PYROXD2: variants seen among roughly 807,000 people sequenced by gnomAD.
The protein encoded by PYROXD2 is pyridine nucleotide-disulphide oxidoreductase domain 2.
A neutral mutation model predicts 71.1 loss-of-function variants in PYROXD2; 69 were observed. The observed-to-expected ratio is 0.97, with a 90% CI of 0.80 to 1.19. PYROXD2 has a LOEUF of 1.19. Ranked by LOEUF, PYROXD2 falls within the 50% of genes most tolerant of loss-of-function variation. The probability of loss-of-function intolerance (pLI) is 0.00; values close to 1 mark genes in which losing one functional copy is unlikely to be tolerated. For missense variants in PYROXD2, 745 were observed against 748.9 expected (o/e 0.99, Z 0.06); for synonymous variants, 287 against 302.7 (o/e 0.95, Z 0.54).
intron 11 of PYROXD2, 79 bp downstream of exon 11, chr10:98,390,931 G>A (rs1029683017): frequency 4.4e-6 from 6 of 1,372,074 alleles, no homozygotes; most frequent in African/African-American, 1.4e-5. Context: ...TGATGACTGA[G>A]TTCAGCTGCC....
At chr10:98,392,911 A>G in intron 9 of PYROXD2, 31 bp downstream of exon 9, 1 of 1,607,288 alleles carries the variant, frequency 6.2e-7, no homozygotes, top group Non-Finnish European at 8.5e-7. Context: ...ATCCTTACTA[A>G]TAATTGGGGT....
intron 2 of PYROXD2, 53 bp downstream of exon 2, chr10:98,410,886 G>A (rs968354604): frequency 6.4e-7 from 1 of 1,555,212 alleles, no homozygotes; most frequent in Non-Finnish European, 8.7e-7. Flanking sequence ...CCAGGCTGCT[G>A]AGAGCCACAC....
intron 5 of PYROXD2, among the ~76,000 whole-genome samples, chr10:98,398,526 A>C (rs1843277382): frequency 6.6e-6 from 1 of 152,216 alleles, no homozygotes; most frequent in Non-Finnish European, 1.5e-5. Context: ...TTCCATGTTA[A>C]AATACATTCG....
Position 98,383,700 on chromosome 10 carries a change from T to C in PYROXD2, c.*98A>G, listed in dbSNP as rs1237289137. On this transcript the variant is annotated 3_prime_UTR_variant, in exon 16 of 16. Transcript: ENST00000370575. ...TTTCTTGAGCATTGTGGTGGCCTTA[T>C]GTACTAACCCGAAGCTGAACTTCCT... 4.1e-6 allele frequency: 4 copies of C among 978,344 alleles called. No homozygotes were observed. Among genetic ancestry groups the C allele is most frequent in the Non-Finnish European group, 6.6e-6 (4 of 603,278 alleles). 60.6% of individuals were successfully genotyped at this position (978,344 alleles called of 1,614,324 possible). A position where few individuals can be genotyped will look rare whatever the true frequency, so the allele number is the denominator to read the frequency against.
chr10:98,387,081 G>A lies in PYROXD2; in HGVS notation c.1554+120C>T, dbSNP rs554294696. On this transcript the variant is annotated intron_variant, in intron 14 of 15. Coordinates refer to ENST00000370575, the MANE Select transcript of PYROXD2 (RefSeq NM_032709.3). ...TCTCTCAGCCGGGGTCCCTGCCACTGTCCTCCCTTCCTGATGAAAGCTGAG... is the reference window on the plus strand; with the variant it reads ...TCTCTCAGCCGGGGTCCCTGCCACTATCCTCCCTTCCTGATGAAAGCTGAG... 257 of 713,840 alleles carry A rather than the reference G, an allele frequency of 3.6e-4. 1 individual carries two copies. The highest frequency in any genetic ancestry group is 3.5e-3 in the Middle Eastern group (10 of 2,850). 44.2% of individuals were successfully genotyped at this position (713,840 alleles called of 1,614,324 possible).
intron 9 of PYROXD2, 130 bp from the exon 10 acceptor site, chr10:98,392,696 G>T: frequency 7.0e-7 from 1 of 1,437,144 alleles, no homozygotes; most frequent in Non-Finnish European, 9.3e-7. Context: ...ATCCCACCAA[G>T]TTCTGCAGCT....
At chr10:98,384,261 C>A (rs571881023) in intron 15 of PYROXD2, among the ~76,000 whole-genome samples, 94 of 152,278 alleles carry the variant, frequency 6.2e-4, no homozygotes, top group African/African-American at 2.1e-3. Flanking sequence ...ATAGCCTCAG[C>A]CAGCTCCGTT....
At chr10:98,413,073 G>A (rs1314407568) in intron 1 of PYROXD2, among the ~76,000 whole-genome samples, 3 of 152,172 alleles carry the variant, frequency 2.0e-5, no homozygotes, top group Non-Finnish European at 4.4e-5. Context: ...TTTGACTGTT[G>A]CCCATGCCCT....
chr10:98,392,502 G>C lies in PYROXD2; in HGVS notation c.992C>G (p.Thr331Arg). The C allele has an allele frequency of 6.2e-7, 1 of 1,613,788 alleles. No individual in the cohort carries two copies. The highest frequency in any genetic ancestry group is 8.5e-7 in the Non-Finnish European group (1 of 1,180,026). ...CAGCACCATTTTGCTTCTCACCTCT[G>C]TGCCATCTTCCAGCACAACTCCTTG... ...CVQGVVLEDGTEVRSKMVLSN... is the reference protein window; with the variant it reads ...CVQGVVLEDGREVRSKMVLSN... The change falls in exon 10 of 16, where the codon ACA becomes AGA. Residue 331 changes from threonine (T) to arginine (R), a missense_variant. Coordinates refer to ENST00000370575, the MANE Select transcript of PYROXD2 (RefSeq NM_032709.3).
At position 98,415,022 on chromosome 10, in the gene PYROXD2, C is replaced by T. The variant is rs778938199; in HGVS notation, c.114G>A (p.Val38=). The T allele has an allele frequency of 4.3e-6, 7 of 1,613,594 alleles. No individual in the cohort carries two copies. In the African/African-American group the frequency reaches 8.0e-5, roughly 18 times the overall value. The change falls in exon 1 of 16, where the codon GTG becomes GTA. Residue 38 remains valine (V), a synonymous_variant. Coordinates refer to ENST00000370575, the MANE Select transcript of PYROXD2 (RefSeq NM_032709.3). Reference sequence around the variant, plus strand: ...TTACCACTTTACCTGCTCCTATCACCACCGCATCATACTCAGGCTTCAGAC... The same window carrying T: ...TTACCACTTTACCTGCTCCTATCACTACCGCATCATACTCAGGCTTCAGAC... ...RGGLKPEYDA[V]VIGAGHNGLV... is the part of the protein sequence containing the mutation.
chr10:98,400,991 T>A lies in PYROXD2; in HGVS notation c.316-734A>T, dbSNP rs560466120. Among the ~76,000 whole-genome samples the A allele has an allele frequency of 1.1e-4, 16 of 152,226 alleles. No individual in the cohort carries two copies. The South Asian group carries it at 3.3e-3, about 32-fold the overall frequency. The stretch of plus-strand genomic sequence containing the variant: ...TGTCTAGGCTGGGCACAGTGGCTCG[T>A]GACTGTAATCCCAGCACTTTGGGAG... On this transcript the variant is annotated intron_variant, in intron 4 of 15. Transcript: ENST00000370575.
At chr10:98,410,825 T>C in intron 2 of PYROXD2, 114 bp downstream of exon 2, 2 of 1,492,440 alleles carry the variant, frequency 1.3e-6, no homozygotes, top group South Asian at 1.2e-5. Context: ...CTAGGCTGCC[T>C]TTTCCTTCTC....
chr10:98,398,268 C>T (rs192753081), intron 5 of PYROXD2, among the ~76,000 whole-genome samples: 5 of 152,164 alleles, frequency 3.3e-5, no homozygotes, highest in East Asian at 3.9e-4. Context: ...TCTCCCATGC[C>T]GTCTCATCAC....
At chr10:98,391,727 T>G (rs1235693144) in intron 10 of PYROXD2, among the ~76,000 whole-genome samples, 1 of 152,228 alleles carries the variant, frequency 6.6e-6, no homozygotes, top group Middle Eastern at 3.2e-3. Context: ...GATGCTTGCA[T>G]GCATGCTTGA....
intron 4 of PYROXD2, among the ~76,000 whole-genome samples, chr10:98,401,273 A>AAAAAAAAAAAT (rs149519972): frequency 8.2e-6 from 1 of 121,692 alleles, no homozygotes; most frequent in African/African-American, 3.7e-5. Flanking sequence ...AAAACAAAAA[A>AAAAAAAAAAAT]AAACAAACAT....
At chr10:98,407,483 G>C in intron 4 of PYROXD2, 99 bp downstream of exon 4, 1 of 1,448,444 alleles carries the variant, frequency 6.9e-7, no homozygotes, top group East Asian at 2.4e-5. Flanking sequence ...CCTCAGGGGC[G>C]GGCATCACCT....
chr10:98,392,877 T>C, intron 9 of PYROXD2, 65 bp downstream of exon 9: 2 of 1,550,754 alleles, frequency 1.3e-6, no homozygotes, highest in East Asian at 4.5e-5. Context: ...ACCTTCCAAA[T>C]CTGAGACTTT....
chr10:98,392,701 G>GCAGCTTCTCCATGAAGCCT, intron 9 of PYROXD2, 135 bp from the exon 10 acceptor site: 1 of 1,425,706 alleles, frequency 7.0e-7, no homozygotes, highest in South Asian at 1.4e-5. Flanking sequence ...ACCAAGTTCT[G>GCAGCTTCTCCATGAAGCCT]CAGCTTCTCC....
intron 13 of PYROXD2, among the ~76,000 whole-genome samples, chr10:98,387,583 T>G (rs1842795211): frequency 6.6e-6 from 1 of 151,776 alleles, no homozygotes; most frequent in Non-Finnish European, 1.5e-5. Context: ...GATCTCCTTT[T>G]GCATATGCAG....
Sources: allele counts gnomAD v4.1 joint callset (sites outside exome capture counted in the v4.1 genomes callset), GRCh38; gene constraint gnomAD v4.1.1; transcripts MANE v1.5; gene names NCBI Gene and HGNC (gene_info 2026-07-23, HGNC 2026-07-21).